CCDC7: variants seen among roughly 807,000 people sequenced by gnomAD.
CCDC7 encodes coiled-coil domain-containing protein 7.
In CCDC7, 183 loss-of-function variants were observed where a neutral mutation model predicts 196.9. The ratio of observed to expected loss-of-function variants is 0.93; its 90% CI spans 0.82 to 1.05. CCDC7 has a LOEUF of 1.05. Ranked by LOEUF, CCDC7 falls within the 50% of genes least tolerant of loss-of-function variation. CCDC7 has a pLI of 0.00. For synonymous variants in CCDC7, 525 were observed against 484.6 expected (o/e 1.08, Z -1.10); for missense variants, 1,540 against 1,482.2 (o/e 1.04, Z -0.64).
At chr10:32,601,108 G>A (rs2060953270) in intron 18 of CCDC7, among the ~76,000 whole-genome samples, 1 of 152,072 alleles carries the variant, frequency 6.6e-6, no homozygotes, top group Admixed American at 6.6e-5. Flanking sequence ...TATGTGATGA[G>A]TCAAGACTTT....
In CCDC7 at chr10:32,754,532, C is replaced by T. The variant is rs184210499; in HGVS notation, c.2906-24445C>T. Among the ~76,000 whole-genome samples, 1,071 of 152,174 alleles carry T rather than the reference C, an allele frequency of 7.0e-3. 11 individuals are homozygous for T. Among genetic ancestry groups the T allele is most frequent in the Non-Finnish European group, 8.2e-3 (556 of 67,990 alleles). ...AAATTTTATAAATATGATTCTAAAA[C>T]TTGGCAACAATAACATATTTCAGTA... On this transcript the variant is annotated intron_variant, in intron 28 of 41. Coordinates refer to ENST00000639629, the Ensembl canonical transcript of CCDC7.
intron 20 of CCDC7, among the ~76,000 whole-genome samples, chr10:32,642,683 C>T (rs569694963): frequency 6.4e-4 from 98 of 152,338 alleles, no homozygotes; most frequent in Middle Eastern, 3.4e-3. Flanking sequence ...CTGTCTGACA[C>T]TCCGCAGTGT....
At chr10:32,620,336 T>G (rs1275204515) in intron 18 of CCDC7, among the ~76,000 whole-genome samples, 2 of 152,226 alleles carry the variant, frequency 1.3e-5, no homozygotes, top group African/African-American at 4.8e-5. Context: ...TCATATAATT[T>G]CCTGCACCTG....
At chr10:32,741,029 T>C (rs1035460211) in intron 28 of CCDC7, among the ~76,000 whole-genome samples, 3 of 152,050 alleles carry the variant, frequency 2.0e-5, no homozygotes, top group African/African-American at 7.2e-5. Flanking sequence ...CTAATTATTA[T>C]TTTATACTAT....
chr10:32,638,378 A>G (rs1298575293), intron 20 of CCDC7, among the ~76,000 whole-genome samples: 7 of 152,152 alleles, frequency 4.6e-5, no homozygotes, highest in Non-Finnish European at 1.0e-4. Flanking sequence ...TGTCATAAAT[A>G]GCTCTTATTA....
At chr10:32,732,288 A>C (rs1046820875) in intron 28 of CCDC7, among the ~76,000 whole-genome samples, 1 of 152,168 alleles carries the variant, frequency 6.6e-6, no homozygotes, top group Non-Finnish European at 1.5e-5. Context: ...TGAGACTTCA[A>C]AGTAATTATA....
At chr10:32,683,583 C>A (rs1346356142) in intron 21 of CCDC7, among the ~76,000 whole-genome samples, 2 of 152,114 alleles carry the variant, frequency 1.3e-5, no homozygotes, top group African/African-American at 4.8e-5. Context: ...GCAATTTTAG[C>A]AATATTGATT....
chr10:32,601,101 G>A (rs1447745754), intron 18 of CCDC7, among the ~76,000 whole-genome samples: 1 of 152,054 alleles, frequency 6.6e-6, no homozygotes, highest in Non-Finnish European at 1.5e-5. Flanking sequence ...TCGCTTGTAT[G>A]TGATGAGTCA....
rs1379425528 is a variant in CCDC7 at position 32,847,151 on chromosome 10, C to G, written c.3689-682C>G. ...TCTGCCCCTTGGAGAGCAGCAGTAG[C>G]ACTTCACACTACAGGCAAGAGACTT... On this transcript the variant is annotated intron_variant, in intron 37 of 41. Transcript: ENST00000639629. Among the ~76,000 whole-genome samples, 4 of 152,286 alleles carry G rather than the reference C, an allele frequency of 2.6e-5. No individual in the cohort carries two copies. The South Asian group carries it at 8.3e-4, about 32-fold the overall frequency.
At chr10:32,449,923 A>G (rs527576708), upstream of CCDC7, among the ~76,000 whole-genome samples, 51 of 152,306 alleles carry the variant, frequency 3.3e-4, no homozygotes, top group Admixed American at 8.5e-4. Flanking sequence ...CTTTCATCAG[A>G]CACCAACTCT....
chr10:32,640,779 G>C (rs1474037709), intron 20 of CCDC7, among the ~76,000 whole-genome samples: 2 of 151,614 alleles, frequency 1.3e-5, no homozygotes, highest in Admixed American at 6.6e-5. Context: ...GCTTAGTTTG[G>C]CTGGATATGA....
intron 20 of CCDC7, among the ~76,000 whole-genome samples, chr10:32,661,392 A>C (rs1446380572): frequency 6.6e-6 from 1 of 152,038 alleles, no homozygotes. Context: ...AACTAGTTCA[A>C]CCATTGTGGA....
chr10:32,674,391 T>G (rs1189070423), intron 21 of CCDC7, among the ~76,000 whole-genome samples: 1 of 152,098 alleles, frequency 6.6e-6, no homozygotes, highest in Non-Finnish European at 1.5e-5. Context: ...ATTTGTGATT[T>G]TTTTCCATTT....
intron 18 of CCDC7, among the ~76,000 whole-genome samples, chr10:32,624,658 A>G (rs1431818777): frequency 6.6e-6 from 1 of 152,254 alleles, no homozygotes; most frequent in Non-Finnish European, 1.5e-5. Context: ...TAGTGGCTAC[A>G]TTCCATAAGG....
intron 9 of CCDC7, among the ~76,000 whole-genome samples, chr10:32,496,298 GT>G (rs1265360343): frequency 6.6e-6 from 1 of 152,122 alleles, no homozygotes; most frequent in Non-Finnish European, 1.5e-5. Flanking sequence ...AGACGATGGG[GT>G]TTTCTAAATA....
intron 14 of CCDC7, among the ~76,000 whole-genome samples, chr10:32,567,318 T>A (rs1305760110): frequency 6.6e-6 from 1 of 151,806 alleles, no homozygotes; most frequent in East Asian, 1.9e-4. Flanking sequence ...TCTTTGATAT[T>A]ATAGGTGCTA....
chr10:32,767,647 G>T (rs2078530784), intron 28 of CCDC7, among the ~76,000 whole-genome samples: 2 of 151,812 alleles, frequency 1.3e-5, no homozygotes, highest in Admixed American at 1.3e-4. Flanking sequence ...AGAAGGATGG[G>T]TACGAGCAAG....
At chr10:32,672,638 G>A (rs2074263213) in intron 21 of CCDC7, among the ~76,000 whole-genome samples, 1 of 152,176 alleles carries the variant, frequency 6.6e-6, no homozygotes, top group Non-Finnish European at 1.5e-5. Context: ...AGAAAGAAAT[G>A]GCAGTGTCCT....
At chr10:32,678,236 T>G (rs1027337190) in intron 21 of CCDC7, among the ~76,000 whole-genome samples, 1 of 152,176 alleles carries the variant, frequency 6.6e-6, no homozygotes, top group African/African-American at 2.4e-5. Flanking sequence ...TAAGAATCTC[T>G]TATTTGAGCT....
Sources: allele counts gnomAD v4.1 joint callset (sites outside exome capture counted in the v4.1 genomes callset), GRCh38; gene constraint gnomAD v4.1.1; transcripts MANE v1.5; gene names NCBI Gene and HGNC (gene_info 2026-07-23, HGNC 2026-07-21).